DCLK2: variants seen among roughly 807,000 people sequenced by gnomAD.
DCLK2 encodes doublecortin like kinase 2, also known as serine/threonine-protein kinase DCLK2.
In DCLK2, 31 loss-of-function variants were observed where a neutral mutation model predicts 78.4. The observed-to-expected ratio is 0.40, with a 90% CI of 0.30 to 0.53. DCLK2 has a LOEUF of 0.53. Among genes scored for constraint, DCLK2 ranks in the 20% least tolerant of loss-of-function variants. DCLK2 has a pLI of 0.61. For synonymous variants in DCLK2, 407 were observed against 374.9 expected (o/e 1.09, Z -0.99); for missense variants, 872 against 973.7 (o/e 0.90, Z 1.39).
At chr4:150,093,507 G>GA (rs1270644239) in intron 1 of DCLK2, among the ~76,000 whole-genome samples, 1 of 152,138 alleles carries the variant, frequency 6.6e-6, no homozygotes, top group Non-Finnish European at 1.5e-5. Flanking sequence ...TCAGTCTCAC[G>GA]AGTAGCTGGA....
At chr4:150,164,371 C>G (rs1735917862) in intron 2 of DCLK2, among the ~76,000 whole-genome samples, 1 of 152,214 alleles carries the variant, frequency 6.6e-6, no homozygotes. Context: ...TTACTTACCC[C>G]CCTACCCCCA....
intron 8 of DCLK2, among the ~76,000 whole-genome samples, chr4:150,229,297 C>T (rs1441628730): frequency 6.6e-6 from 1 of 152,108 alleles, no homozygotes; most frequent in Non-Finnish European, 1.5e-5. Context: ...CACTGCATTC[C>T]AGCTTGGGTG....
intron 2 of DCLK2, among the ~76,000 whole-genome samples, chr4:150,186,699 C>T (rs1476386648): frequency 1.3e-5 from 2 of 152,180 alleles, no homozygotes; most frequent in African/African-American, 2.4e-5. Flanking sequence ...TAAAAAGTAT[C>T]AACTGAATTT....
intron 4 of DCLK2, chr4:150,198,957 C>A (rs969452648): frequency 1.4e-5 from 12 of 870,820 alleles, no homozygotes; most frequent in Non-Finnish European, 2.0e-5. Context: ...CCCTTTTGAA[C>A]GCACATTTAG....
At chr4:150,129,697 C>T (rs1036429897) in intron 2 of DCLK2, among the ~76,000 whole-genome samples, 24 of 151,388 alleles carry the variant, frequency 1.6e-4, no homozygotes, top group Admixed American at 1.4e-3. Flanking sequence ...TTCAGGCTGG[C>T]GACAGAGCAA....
intron 8 of DCLK2, among the ~76,000 whole-genome samples, chr4:150,231,459 T>C (rs1163941520): frequency 1.3e-5 from 2 of 152,226 alleles, no homozygotes; most frequent in African/African-American, 2.4e-5. Flanking sequence ...TTCCAGCTAT[T>C]GTCCAAAAGG....
chr4:150,144,115 T>C (rs1413938712), intron 2 of DCLK2, among the ~76,000 whole-genome samples: 4 of 152,152 alleles, frequency 2.6e-5, no homozygotes, highest in Admixed American at 6.6e-5. Flanking sequence ...AATTCTTTAA[T>C]ATTTGTTGGC....
chr4:150,233,055 A>G (rs1022522061), intron 10 of DCLK2, among the ~76,000 whole-genome samples: 1 of 152,220 alleles, frequency 6.6e-6, no homozygotes, highest in Non-Finnish European at 1.5e-5. Flanking sequence ...TGCTATAAAG[A>G]ACTACCTGAG....
chr4:150,147,546 T>C (rs1384129729), intron 2 of DCLK2, among the ~76,000 whole-genome samples: 1 of 152,252 alleles, frequency 6.6e-6, no homozygotes, highest in Non-Finnish European at 1.5e-5. Flanking sequence ...TTTTGTCCCA[T>C]GTACCTGGTG....
At chr4:150,236,997 C>T (rs2126588232) in intron 10 of DCLK2, among the ~76,000 whole-genome samples, 1 of 152,224 alleles carries the variant, frequency 6.6e-6, no homozygotes, top group South Asian at 2.1e-4. Context: ...TCTGAATACC[C>T]CTAGGCATCA....
chr4:150,208,368 C>A (rs997444579), intron 5 of DCLK2, among the ~76,000 whole-genome samples: 1 of 151,770 alleles, frequency 6.6e-6, no homozygotes, highest in Non-Finnish European at 1.5e-5. Context: ...CTTGTTTAGT[C>A]TTCAAGATGG....
intron 2 of DCLK2, among the ~76,000 whole-genome samples, chr4:150,119,308 G>A (rs746769905): frequency 6.6e-5 from 10 of 152,058 alleles, no homozygotes; most frequent in South Asian, 2.1e-4. Flanking sequence ...TCCTCTGAGC[G>A]ACTTATTGTG....
intron 4 of DCLK2, 102 bp from the exon 5 acceptor site, chr4:150,203,693 G>A (rs1366916973): frequency 2.5e-6 from 2 of 801,182 alleles, no homozygotes; most frequent in Non-Finnish European, 3.8e-6. Flanking sequence ...ACGAGTTGAA[G>A]CTTCATTGGA....
At chr4:150,175,188 A>AATTTATATATATTTATATAT (rs1560835535) in intron 2 of DCLK2, among the ~76,000 whole-genome samples, 4 of 98,166 alleles carry the variant, frequency 4.1e-5, no homozygotes, top group East Asian at 3.0e-4. Flanking sequence ...ATATATTTAT[A>AATTTATATATATTTATATAT]ATTTATCTAT....
At chr4:150,105,268 A>G (rs1315603101) in intron 2 of DCLK2, among the ~76,000 whole-genome samples, 2 of 152,172 alleles carry the variant, frequency 1.3e-5, no homozygotes, top group African/African-American at 4.8e-5. Flanking sequence ...AGATTTCTGG[A>G]TGCCAAGCAA....
At chr4:150,233,974 T>C (rs1052429540) in intron 10 of DCLK2, among the ~76,000 whole-genome samples, 1 of 152,192 alleles carries the variant, frequency 6.6e-6, no homozygotes, top group African/African-American at 2.4e-5. Flanking sequence ...GTTGGCTTCT[T>C]TATTTCCACC....
chr4:150,164,327 G>C (rs1445157347), intron 2 of DCLK2, among the ~76,000 whole-genome samples: 1 of 152,158 alleles, frequency 6.6e-6, no homozygotes, highest in East Asian at 1.9e-4. Flanking sequence ...TTTGAACTGT[G>C]CAGCCACTGC....
chr4:150,197,948 C>T, intron 3 of DCLK2, 54 bp from the exon 4 acceptor site: 1 of 1,432,224 alleles, frequency 7.0e-7, no homozygotes, highest in Non-Finnish European at 9.7e-7. Flanking sequence ...TGTAACTCTG[C>T]TTTTGGTCGT....
At chr4:150,166,878 C>G (rs1388995902) in intron 2 of DCLK2, among the ~76,000 whole-genome samples, 1 of 152,144 alleles carries the variant, frequency 6.6e-6, no homozygotes, top group Non-Finnish European at 1.5e-5. Context: ...TTCTGAATGG[C>G]AGGGAGCCTT....
Sources: allele counts gnomAD v4.1 joint callset (sites outside exome capture counted in the v4.1 genomes callset), GRCh38; gene constraint gnomAD v4.1.1; transcripts MANE v1.5; gene names NCBI Gene and HGNC (gene_info 2026-07-23, HGNC 2026-07-21).